The following RBM44 variants were observed in gnomAD, a reference collection of about 807,000 sequenced individuals.
RBM44 encodes the protein RNA-binding protein 44.
In RBM44, 66 loss-of-function variants were observed where a neutral mutation model predicts 105.1. The ratio of observed to expected loss-of-function variants is 0.63; its 90% confidence interval spans 0.52 to 0.77. The LOEUF (loss-of-function observed/expected upper bound fraction) is 0.77. Among genes scored for constraint, RBM44 ranks in the 30% least tolerant of loss-of-function variants. The pLI is 0.00. For missense variants in RBM44, 1,122 were observed against 1,207.8 expected, an observed-to-expected ratio of 0.93 and a Z score of 1.05; for synonymous variants, 365 against 417.6, an observed-to-expected ratio of 0.87 and a Z score of 1.54.
intron 1 of RBM44, among the ~76,000 whole-genome samples, chr2:237,812,214 T>C (rs924827538): frequency 2.0e-4 from 30 of 152,196 alleles, no homozygotes; most frequent in African/African-American, 6.8e-4. Context: ...TTAGTTACCA[T>C]TTTTACTATT....
chr2:237,821,319 A>C (rs185367509), intron 6 of RBM44, 27 bp from the exon 7 acceptor site: 12 of 1,560,592 alleles, frequency 7.7e-6, no homozygotes, highest in Non-Finnish European at 1.0e-5. Context: ...TTAAACAAAG[A>C]TTTTTTTTCC....
Position 237,821,060 on chromosome 2 carries a change from CT to C in RBM44, c.1914-7del. 6.4e-7 allele frequency: 1 copy of C among 1,574,508 alleles called. No individual in the cohort carries two copies. The highest frequency in any genetic ancestry group is 1.2e-5 in the South Asian group (1 of 84,636). On this transcript the variant is annotated splice_polypyrimidine_tract_variant and intron_variant, in intron 5 of 15. Transcript: ENST00000316997. ...AAATAATTTAGTTTTGTGCACTCAA[CT>C]TTTGAACAGGAATTTATCAAGTAAT...
rs1278166274 is a variant in RBM44, at chr2:237,817,559, C to A, written c.640C>A (p.Pro214Thr). The change falls in exon 3 of 16, where the codon CCA becomes ACA. Residue 214 changes from proline (P) to threonine (T), a missense_variant. By Grantham distance (38) the Pro-to-Thr change is conservative. Coordinates refer to ENST00000316997, the MANE Select transcript of RBM44 (RefSeq NM_001080504.3). ...DQTKALDISN[P>T]EVVELGNSGY... ...AACAAAAGCATTAGATATATCTAAT[C>A]CAGAAGTTGTTGAATTAGGAAATTC... 1 of 1,609,864 alleles carries A rather than the reference C, an allele frequency of 6.2e-7. No individual in the cohort carries two copies. Among genetic ancestry groups the A allele is most frequent in the Non-Finnish European group, 8.5e-7 (1 of 1,176,952 alleles).
intron 1 of RBM44, among the ~76,000 whole-genome samples, chr2:237,804,768 G>T (rs1335137903): frequency 6.6e-6 from 1 of 152,118 alleles, no homozygotes; most frequent in Non-Finnish European, 1.5e-5. Context: ...TCTGTTGATA[G>T]TGTCTTTTGC....
At chr2:237,809,072 C>T (rs922577697) in intron 1 of RBM44, among the ~76,000 whole-genome samples, 3 of 152,104 alleles carry the variant, frequency 2.0e-5, no homozygotes, top group African/African-American at 7.2e-5. Context: ...TTTCATGACC[C>T]TTAATAACAC....
intron 1 of RBM44, among the ~76,000 whole-genome samples, chr2:237,807,643 A>G (rs907488934): frequency 1.3e-5 from 2 of 152,226 alleles, no homozygotes; most frequent in South Asian, 2.1e-4. Flanking sequence ...TGACAGCCTT[A>G]GGGCAGTAAG....
intron 1 of RBM44, among the ~76,000 whole-genome samples, chr2:237,804,349 G>T (rs537414721): frequency 5.3e-5 from 8 of 152,318 alleles, no homozygotes; most frequent in African/African-American, 1.9e-4. Flanking sequence ...TGGTAGCTCT[G>T]TTTTAAGTTG....
At chr2:237,800,934 G>A (rs1429278832) in intron 1 of RBM44, among the ~76,000 whole-genome samples, 1 of 152,180 alleles carries the variant, frequency 6.6e-6, no homozygotes, top group African/African-American at 2.4e-5. Context: ...GGCCAGGCTA[G>A]TCTCAAACTC....
intron 2 of RBM44, among the ~76,000 whole-genome samples, chr2:237,815,583 G>T (rs538219401): frequency 2.6e-5 from 4 of 151,946 alleles, no homozygotes; most frequent in Admixed American, 6.6e-5. Context: ...TTTTTTTAAA[G>T]AAATGGAATA....
Position 237,821,319 on chromosome 2 carries a change from A to T in RBM44, c.2098-27A>T, listed in dbSNP as rs185367509. The T allele has an allele frequency of 3.1e-3, 4,853 of 1,560,656 alleles. 15 individuals carry two copies. The highest frequency in any genetic ancestry group is 3.8e-3 in the Non-Finnish European group (4,415 of 1,151,802). On this transcript the variant is annotated intron_variant, in intron 6 of 15. Coordinates refer to ENST00000316997, the MANE Select transcript of RBM44 (RefSeq NM_001080504.3). ...TTTAGACAAAACATTTTAAACAAAG[A>T]TTTTTTTTCCTTTTCTCTCCTTCCA...
intron 4 of RBM44, 85 bp downstream of exon 4, chr2:237,819,044 A>G (rs2061754523): frequency 1.7e-6 from 1 of 573,256 alleles, no homozygotes; most frequent in African/African-American, 2.0e-5. Flanking sequence ...ACTTACCCAT[A>G]TAGAATAATA....
In RBM44 at chr2:237,834,339, T is replaced by A. The variant is rs769439774; in HGVS notation, c.3094T>A (p.Leu1032Ile). ...RIRHKGFLNG[L>I]SITTIVEMTS... ...AAGACATAAAGGTTTTCTGAATGGC[T>A]TATCTATTACTACTATTGTGGAGAT... Residue 1032 changes from leucine (L) to isoleucine (I), a missense_variant, in exon 15 of 16, where the codon TTA becomes ATA. Transcript: ENST00000316997. 6.4e-7 allele frequency: 1 copy of A among 1,568,286 alleles called. No homozygotes were observed. Among genetic ancestry groups the A allele is most frequent in the Admixed American group, 1.9e-5 (1 of 53,404 alleles).
rs1362915908 is a variant in RBM44 at position 237,840,199 on chromosome 2, A to AT, written c.*23-1640_*23-1639insT. Among the ~76,000 whole-genome samples, 82 of 151,340 alleles carry AT rather than the reference A, an allele frequency of 5.4e-4. 1 individual carries two copies. Among genetic ancestry groups the AT allele is most frequent in the African/African-American group, 1.9e-3 (77 of 41,350 alleles). On this transcript the variant is annotated intron_variant, in intron 15 of 15. Coordinates refer to ENST00000316997, the MANE Select transcript of RBM44 (RefSeq NM_001080504.3). ...CAAGACTCTATCTCAAAAAAAAAAA[A>AT]AAAAAAAAAAAGGGCACACGGCACA...
At position 237,824,256 on chromosome 2, in the gene RBM44, G is replaced by A. The variant is rs1220448378; in HGVS notation, c.2321-35G>A. The A allele has an allele frequency of 1.4e-5, 22 of 1,607,362 alleles. No homozygotes were observed. The Admixed American group carries it at 2.3e-4, about 17-fold the overall frequency. ...AACTTTTCAGTGTGTTGGACGTTAC[G>A]TGTCATTCATAGCTCACTGTGTTGA... On this transcript the variant is annotated intron_variant, in intron 9 of 15. Coordinates refer to ENST00000316997, the MANE Select transcript of RBM44 (RefSeq NM_001080504.3).
In RBM44 at chr2:237,824,300, A is replaced by G. The variant is rs747776463; in HGVS notation, c.2330A>G (p.His777Arg). 6.8e-6 allele frequency: 11 copies of G among 1,612,984 alleles called. No individual in the cohort carries two copies. The highest frequency in any genetic ancestry group is 6.7e-5 in the Admixed American group (4 of 59,932). ...GTGTTGAGTGTCTTAGACTGCAGAC[A>G]TTACCAAGAGACAAGCGAAGACTGG... ...QLKLGDKDCR[H>R]YQETSEDWSD... Residue 777 changes from histidine (H) to arginine (R), a missense_variant, in exon 10 of 16, where the codon CAT becomes CGT. Transcript: ENST00000316997.
chr2:237,827,496 A>C lies in RBM44; in HGVS notation c.2593A>C (p.Asn865His). 1 of 1,493,190 alleles carries C rather than the reference A, an allele frequency of 6.7e-7. No homozygotes were observed. The highest frequency in any genetic ancestry group is 1.2e-5 in the South Asian group (1 of 82,030). 92.5% of individuals were successfully genotyped at this position (1,493,190 alleles called of 1,614,324 possible). ...VSEISIYDST[N>H]YRYASLAFTK... ...TGAAATTTCAATTTATGATTCTACT[A>C]ATTACAGGTGTGTTTCCCAACTTTA... is the stretch of plus-strand genomic sequence containing the variant. The change falls in exon 12 of 16, where the codon AAT becomes CAT. Residue 865 changes from asparagine (N) to histidine (H), a missense_variant. This residue lies in a region of RBM44 where 194 missense variants were observed against 225.5 expected (regional missense o/e 0.86). Coordinates refer to ENST00000316997, the MANE Select transcript of RBM44 (RefSeq NM_001080504.3).
In RBM44 at chr2:237,823,511, T is replaced by C; in HGVS notation, c.2277T>C (p.Gly759=). Residue 759 remains glycine (G), a synonymous_variant, in exon 9 of 16, where the codon GGT becomes GGC. Transcript: ENST00000316997. ...ISPKKDDFKN[G]DINADFSQLK... is the part of the protein sequence containing the mutation. ...CCAAGAAAGATGACTTTAAAAATGGTGATATAAATGCAGACTTTAGTCAAC... is the reference window on the plus strand; with the variant it reads ...CCAAGAAAGATGACTTTAAAAATGGCGATATAAATGCAGACTTTAGTCAAC... The C allele has an allele frequency of 6.5e-7, 1 of 1,538,572 alleles. No individual in the cohort carries two copies. Among genetic ancestry groups the C allele is most frequent in the Non-Finnish European group, 8.8e-7 (1 of 1,133,806 alleles).
In RBM44 at chr2:237,803,333, A is replaced by T. The variant is rs571659987; in HGVS notation, c.-19+4472A>T. Among the ~76,000 whole-genome samples, 10 of 150,588 alleles carry T rather than the reference A, an allele frequency of 6.6e-5. No individual in the cohort carries two copies. Among genetic ancestry groups the T allele is most frequent in the African/African-American group, 9.8e-5 (4 of 40,788 alleles). On this transcript the variant is annotated intron_variant, in intron 1 of 15. Transcript: ENST00000316997. The surrounding 1 kb of genome is among the most constrained non-coding windows in gnomAD (Gnocchi z 4.2). ...CACACACACACATACTCTCTCTCTCACACACACACACATACTTTCTCTCTC... is the reference window on the plus strand; with the variant it reads ...CACACACACACATACTCTCTCTCTCTCACACACACACATACTTTCTCTCTC...
intron 13 of RBM44, among the ~76,000 whole-genome samples, chr2:237,833,433 A>T (rs928026798): frequency 1.3e-5 from 2 of 152,142 alleles, no homozygotes; most frequent in African/African-American, 4.8e-5. Flanking sequence ...TTCGCAATAG[A>T]GGGTTCTGTT....
Sources: gnomAD v4.1 joint callset for allele counts (sites outside exome capture counted in the v4.1 genomes callset) on GRCh38, gnomAD v4.1.1 for gene constraint, gnomAD v4.1.1 regional missense constraint, Gnocchi (gnomAD v3.1) non-coding constraint, MANE v1.5 for transcripts, NCBI Gene and HGNC (gene_info 2026-07-23, HGNC 2026-07-21) for gene names.